AGBL4: variants seen among roughly 807,000 people sequenced by gnomAD.
AGBL4 encodes the protein AGBL carboxypeptidase 4, also known as cytosolic carboxypeptidase 6.
In AGBL4, 58 loss-of-function variants were observed where a neutral mutation model predicts 66.4. That is an observed-to-expected ratio of 0.87 (90% confidence interval 0.71 to 1.09). The LOEUF is 1.09. Ranked by LOEUF, AGBL4 falls within the 50% of genes least tolerant of loss-of-function variation. The pLI is 0.00. For synonymous variants in AGBL4, 234 were observed against 222.9 expected (o/e 1.05, Z -0.44); for missense variants, 579 against 631.0 (o/e 0.92, Z 0.88).
At chr1:48,891,728 G>A (rs1650990509) in intron 5 of AGBL4, among the ~76,000 whole-genome samples, 1 of 152,120 alleles carries the variant, frequency 6.6e-6, no homozygotes, top group Non-Finnish European at 1.5e-5. Flanking sequence ...CCTAGTACAG[G>A]CACTACATGG....
intron 1 of AGBL4, among the ~76,000 whole-genome samples, chr1:49,931,074 T>C (rs1361750868): frequency 6.6e-6 from 1 of 152,148 alleles, no homozygotes; most frequent in Non-Finnish European, 1.5e-5. Flanking sequence ...GGATACAATG[T>C]CAATGAACAA....
intron 1 of AGBL4, among the ~76,000 whole-genome samples, chr1:50,004,900 A>G (rs1261021841): frequency 2.6e-5 from 4 of 151,886 alleles, no homozygotes; most frequent in African/African-American, 9.7e-5. Context: ...AACAAGGGGG[A>G]CTTGTCTTAC....
chr1:48,990,078 C>T (rs371469085), intron 5 of AGBL4, among the ~76,000 whole-genome samples: 2 of 152,088 alleles, frequency 1.3e-5, no homozygotes, highest in Admixed American at 6.6e-5. Flanking sequence ...GCCATTCTAG[C>T]GGGGGTGAGA....
Position 48,828,185 on chromosome 1 carries a change from CAAA to C in AGBL4, c.634+39003_634+39005del, listed in dbSNP as rs569351077. Among the ~76,000 whole-genome samples the C allele has an allele frequency of 3.0e-3, 374 of 123,380 alleles. 3 individuals carry two copies. Among genetic ancestry groups the C allele is most frequent in the African/African-American group, 0.012 (366 of 30,350 alleles). 80.9% of individuals were successfully genotyped at this position (123,380 alleles called of 152,430 possible). A position where few individuals can be genotyped will look rare whatever the true frequency, so the allele number is the denominator to read the frequency against. On this transcript the variant is annotated intron_variant, in intron 6 of 13. Transcript: ENST00000371839. ...TACTCCAGCCTGGGCAACTCCATCT[CAAA>C]AAAAAAAAAAAAGAAAAAAAGAAAA...
chr1:49,004,083 A>G (rs1382231779), intron 5 of AGBL4, among the ~76,000 whole-genome samples: 3 of 152,204 alleles, frequency 2.0e-5, no homozygotes, highest in African/African-American at 7.2e-5. Context: ...TCATTTCCAC[A>G]TTATCTCAAG....
At chr1:49,315,633 T>C (rs767182800) in intron 3 of AGBL4, among the ~76,000 whole-genome samples, 13 of 152,112 alleles carry the variant, frequency 8.5e-5, no homozygotes, top group Admixed American at 1.3e-4. Context: ...AACAAACATA[T>C]GGAAAAAAGC....
chr1:49,902,608 G>C (rs768233069), intron 1 of AGBL4, among the ~76,000 whole-genome samples: 1 of 152,116 alleles, frequency 6.6e-6, no homozygotes, highest in Non-Finnish European at 1.5e-5. Flanking sequence ...TTAGCTGGGC[G>C]TGGTGGCACA....
chr1:49,805,791 C>T (rs1279542698), intron 2 of AGBL4, among the ~76,000 whole-genome samples: 2 of 152,246 alleles, frequency 1.3e-5, no homozygotes, highest in South Asian at 2.1e-4. Context: ...TTACTCCTTT[C>T]GCTAAGTGAG....
intron 3 of AGBL4, among the ~76,000 whole-genome samples, chr1:49,346,434 AT>A (rs1227903481): frequency 4.6e-5 from 7 of 152,172 alleles, no homozygotes; most frequent in Non-Finnish European, 1.0e-4. Context: ...GGTTCCAACA[AT>A]TTCCCAGTTC....
intron 4 of AGBL4, among the ~76,000 whole-genome samples, chr1:49,093,347 C>T (rs1284972661): frequency 6.6e-6 from 1 of 152,038 alleles, no homozygotes; most frequent in Non-Finnish European, 1.5e-5. Flanking sequence ...CTTTTATAGC[C>T]AATATCTTAC....
At chr1:49,540,904 TAG>T (rs1651959978) in intron 3 of AGBL4, among the ~76,000 whole-genome samples, 2 of 152,270 alleles carry the variant, frequency 1.3e-5, no homozygotes, top group South Asian at 2.1e-4. Context: ...AGAGTAATGT[TAG>T]TGAAGGCGGT....
intron 6 of AGBL4, among the ~76,000 whole-genome samples, chr1:48,666,004 C>T (rs766925552): frequency 3.3e-5 from 5 of 152,258 alleles, no homozygotes; most frequent in Non-Finnish European, 7.3e-5. Flanking sequence ...CTTGCGTCTT[C>T]ATAAAATGAT....
chr1:49,932,212 A>T (rs1285928390), intron 1 of AGBL4, among the ~76,000 whole-genome samples: 2 of 152,206 alleles, frequency 1.3e-5, no homozygotes, highest in African/African-American at 4.8e-5. Flanking sequence ...ATACATGGTC[A>T]GTTGATTTTC....
intron 3 of AGBL4, among the ~76,000 whole-genome samples, chr1:49,407,065 C>CAAAA (rs57974289): frequency 3.5e-4 from 9 of 25,920 alleles, no homozygotes; most frequent in Non-Finnish European, 5.3e-4. Context: ...ACTCTGCCTC[C>CAAAA]AAAAAAAAAA....
chr1:48,761,722 G>A (rs562921803), intron 6 of AGBL4, among the ~76,000 whole-genome samples: 69 of 152,306 alleles, frequency 4.5e-4, no homozygotes, highest in African/African-American at 1.5e-3. Context: ...AATTTGCTTA[G>A]GGGTTTCTCT....
chr1:49,250,809 G>A (rs901438278), intron 3 of AGBL4, among the ~76,000 whole-genome samples: 1 of 152,102 alleles, frequency 6.6e-6, no homozygotes, highest in African/African-American at 2.4e-5. Flanking sequence ...CCAGCCTCTG[G>A]AACTCTGGCA....
chr1:48,836,295 C>CA (rs33961883), intron 6 of AGBL4, among the ~76,000 whole-genome samples: 11,706 of 100,520 alleles, frequency 0.12, 616 homozygotes, highest in Non-Finnish European at 0.13. Context: ...TAAGTTTCCT[C>CA]AAAAAAAAAA....
intron 6 of AGBL4, among the ~76,000 whole-genome samples, chr1:48,783,080 G>A (rs1358388606): frequency 1.3e-5 from 2 of 152,154 alleles, no homozygotes; most frequent in African/African-American, 4.8e-5. Context: ...ATTTTTCCAT[G>A]TTGTCTTATG....
At position 49,875,489 on chromosome 1, in the gene AGBL4, T is replaced by A. The variant is rs1197387339; in HGVS notation, c.35-23971A>T. 1.2e-4 allele frequency among the ~76,000 whole-genome samples: 17 copies of A among 145,804 alleles called. No homozygotes were observed. The East Asian group carries it at 1.8e-3, about 16-fold the overall frequency. On this transcript the variant is annotated intron_variant, in intron 1 of 13. Transcript: ENST00000371839. ...TGTCCCTACAAAGGACATGAACTCA[T>A]CATTTTTTATGGCTGCATAGTATTC... is the stretch of plus-strand genomic sequence containing the variant.
Sources: allele counts gnomAD v4.1 joint callset (sites outside exome capture counted in the v4.1 genomes callset), GRCh38; gene constraint gnomAD v4.1.1; transcripts MANE v1.5; gene names NCBI Gene and HGNC (gene_info 2026-07-23, HGNC 2026-07-21).